Variants in SEL1L2 observed in about 807,000 individuals in gnomAD.
The protein encoded by SEL1L2 is SEL1L2 adaptor subunit of SYVN1 ubiquitin ligase.
A neutral mutation model predicts 98.8 loss-of-function variants in SEL1L2; 89 were observed. The ratio of observed to expected loss-of-function variants is 0.90; its 90% CI spans 0.76 to 1.07. The LOEUF is 1.07. Among genes scored for constraint, SEL1L2 ranks in the 50% least tolerant of loss-of-function variants. The pLI is 0.00. For synonymous variants in SEL1L2, 262 were observed against 278.5 expected, an observed-to-expected ratio of 0.94 and a Z score of 0.59; for missense variants, 788 against 812.0, an observed-to-expected ratio of 0.97 and a Z score of 0.36.
At chr20:13,934,343 C>CAT (rs57495070) in intron 2 of SEL1L2, among the ~76,000 whole-genome samples, 2 of 6,272 alleles carry the variant, frequency 3.2e-4, no homozygotes, top group Non-Finnish European at 7.7e-4. Flanking sequence ...ATATATATTC[C>CAT]ATATATATAT....
At chr20:13,962,440 G>A (rs1000351878) in intron 1 of SEL1L2, among the ~76,000 whole-genome samples, 2 of 152,176 alleles carry the variant, frequency 1.3e-5, no homozygotes, top group Admixed American at 6.5e-5. Context: ...AATAGACCAT[G>A]TGGACAGAGA....
rs2047919535 is a variant in SEL1L2 at position 13,906,106 on chromosome 20, C to G, written c.549+7676G>C. On this transcript the variant is annotated intron_variant, in intron 5 of 19. Transcript: ENST00000284951. ...GGCCAGGCTGGTCTCGAACTCCTGACCTAAAATGATCTGCCCGCCTCAGCC... is the reference window on the plus strand; with the variant it reads ...GGCCAGGCTGGTCTCGAACTCCTGAGCTAAAATGATCTGCCCGCCTCAGCC... 2.0e-5 allele frequency among the ~76,000 whole-genome samples: 3 copies of G among 151,980 alleles called. No homozygotes were observed. The South Asian group carries it at 6.2e-4, about 32-fold the overall frequency.
At chr20:13,977,242 A>T (rs764664247) in intron 1 of SEL1L2, among the ~76,000 whole-genome samples, 25 of 152,334 alleles carry the variant, frequency 1.6e-4, no homozygotes, top group African/African-American at 7.2e-5. Flanking sequence ...AGAGCACAAG[A>T]AGCATAGAAT....
chr20:13,874,094 G>A (rs528864568), intron 12 of SEL1L2, among the ~76,000 whole-genome samples: 189 of 152,316 alleles, frequency 1.2e-3, no homozygotes, highest in African/African-American at 4.4e-3. Flanking sequence ...AGGGGAGGCA[G>A]ATGACAAAAG....
At chr20:13,993,239 C>T (rs569445442), upstream of SEL1L2, among the ~76,000 whole-genome samples, 3 of 152,118 alleles carry the variant, frequency 2.0e-5, no homozygotes, top group South Asian at 2.1e-4. Flanking sequence ...TTATACAGAC[C>T]GCTCAATAAA....
intron 5 of SEL1L2, among the ~76,000 whole-genome samples, chr20:13,901,694 C>T (rs1212881435): frequency 2.7e-5 from 4 of 149,516 alleles, no homozygotes; most frequent in African/African-American, 7.4e-5. Context: ...CGGAGTCTCA[C>T]TCTGTCGCCC....
At chr20:13,884,430 T>C (rs2046851950) in intron 10 of SEL1L2, among the ~76,000 whole-genome samples, 1 of 152,232 alleles carries the variant, frequency 6.6e-6, no homozygotes, top group South Asian at 2.1e-4. Context: ...GGATCCTGTG[T>C]ATGTCAAGGT....
At chr20:13,910,025 A>C (rs1369686159) in intron 5 of SEL1L2, among the ~76,000 whole-genome samples, 2 of 152,192 alleles carry the variant, frequency 1.3e-5, no homozygotes, top group Non-Finnish European at 2.9e-5. Flanking sequence ...AAACCGGTTC[A>C]GCTGAATTTT....
chr20:13,958,227 T>C (rs544630008), intron 1 of SEL1L2, among the ~76,000 whole-genome samples: 2 of 152,300 alleles, frequency 1.3e-5, no homozygotes, highest in South Asian at 4.1e-4. Flanking sequence ...CAGTACTTAA[T>C]ACACAGTTTT....
chr20:13,994,417 T>TC (rs1338572794), upstream of SEL1L2, among the ~76,000 whole-genome samples: 3 of 151,744 alleles, frequency 2.0e-5, no homozygotes, highest in Non-Finnish European at 4.4e-5. Context: ...TTTTGGGGCC[T>TC]CCCCCCTTTC....
At chr20:13,935,373 T>C (rs961142574) in intron 2 of SEL1L2, among the ~76,000 whole-genome samples, 1 of 152,148 alleles carries the variant, frequency 6.6e-6, no homozygotes, top group African/African-American at 2.4e-5. Context: ...CCAGGGAAGA[T>C]AACAGTCAAC....
At chr20:13,970,450 G>T (rs190624132) in intron 1 of SEL1L2, among the ~76,000 whole-genome samples, 1 of 152,328 alleles carries the variant, frequency 6.6e-6, no homozygotes, top group Non-Finnish European at 1.5e-5. Flanking sequence ...GAGGTAGTAT[G>T]CTCATTTTAA....
In SEL1L2 at chr20:13,934,126, C is replaced by A. The variant is rs977681524; in HGVS notation, c.115-2355G>T. On this transcript the variant is annotated intron_variant, in intron 2 of 19. Coordinates refer to ENST00000284951, the MANE Select transcript of SEL1L2 (RefSeq NM_025229.2). ...CTTTTATTCCTCATCCTCTTCCTAC[C>A]CTTTCCCCCCAATTCCCCAAAGTCC... Among the ~76,000 whole-genome samples, 5 of 150,010 alleles carry A rather than the reference C, an allele frequency of 3.3e-5. No homozygotes were observed. The South Asian group carries it at 6.3e-4, about 19-fold the overall frequency.
intron 5 of SEL1L2, among the ~76,000 whole-genome samples, chr20:13,908,982 A>G (rs887413542): frequency 6.7e-6 from 1 of 149,356 alleles, no homozygotes; most frequent in Non-Finnish European, 1.5e-5. Flanking sequence ...ATTGTTAAAT[A>G]GGGTCCCTAC....
intron 12 of SEL1L2, among the ~76,000 whole-genome samples, chr20:13,870,922 C>CAAAAAA (rs534578783): frequency 3.7e-3 from 193 of 52,126 alleles, no homozygotes; most frequent in Non-Finnish European, 5.3e-3. Flanking sequence ...AACTCCATCT[C>CAAAAAA]AAAAAAAAAA....
upstream of SEL1L2, among the ~76,000 whole-genome samples, chr20:13,991,187 A>G (rs1213362934): frequency 6.6e-6 from 1 of 152,234 alleles, no homozygotes; most frequent in Non-Finnish European, 1.5e-5. Context: ...ATGAATATTT[A>G]GGGAAAACAT....
intron 2 of SEL1L2, among the ~76,000 whole-genome samples, chr20:13,939,665 C>CTTTTTTTTTTTTTTT (rs3042764): frequency 1.1e-3 from 150 of 138,462 alleles, no homozygotes; most frequent in East Asian, 1.5e-3. Flanking sequence ...CACCCTTATT[C>CTTTTTTTTTTTTTTT]TTTTTTTTTT....
chr20:13,935,110 G>A (rs1226793578), intron 2 of SEL1L2, among the ~76,000 whole-genome samples: 1 of 152,188 alleles, frequency 6.6e-6, no homozygotes, highest in Non-Finnish European at 1.5e-5. Context: ...CTTTACAGAG[G>A]TCAGTGTTTC....
chr20:13,849,434 T>C lies in SEL1L2; in HGVS notation c.*51A>G. The C allele has an allele frequency of 6.2e-7, 1 of 1,600,258 alleles. No homozygotes were observed. The highest frequency in any genetic ancestry group is 8.5e-7 in the Non-Finnish European group (1 of 1,172,202). The stretch of plus-strand genomic sequence containing the variant: ...TGGGAAACTGTTTATTTAGTGGGGA[T>C]ACCTTGGAGTGAACTGATTCCCGTG... On this transcript the variant is annotated 3_prime_UTR_variant, in exon 20 of 20. Coordinates refer to ENST00000284951, the MANE Select transcript of SEL1L2 (RefSeq NM_025229.2).
Sources: gnomAD v4.1 joint callset for allele counts (sites outside exome capture counted in the v4.1 genomes callset) on GRCh38, gnomAD v4.1.1 for gene constraint, MANE v1.5 for transcripts, NCBI Gene and HGNC (gene_info 2026-07-23, HGNC 2026-07-21) for gene names.